TEK: variants seen among roughly 807,000 people sequenced by gnomAD.
The protein encoded by TEK is angiopoietin-1 receptor.
In TEK, 43 loss-of-function variants were observed where a neutral mutation model predicts 131.8. The observed-to-expected ratio is 0.33, with a 90% CI of 0.26 to 0.42. The LOEUF (loss-of-function observed/expected upper bound fraction) is 0.42, where lower values mean the gene tolerates loss of function less well. TEK is among the 10% of genes least tolerant of loss of function. TEK has a pLI of 1.00. For missense variants in TEK, 1,162 were observed against 1,384.4 expected (o/e 0.84, Z 2.55); for synonymous variants, 580 against 491.6 (o/e 1.18, Z -2.38).
At chr9:27,211,411 T>C (rs2131224682) in intron 16 of TEK, among the ~76,000 whole-genome samples, 1 of 149,692 alleles carries the variant, frequency 6.7e-6, no homozygotes, top group East Asian at 2.0e-4. Context: ...AGAATTTCAA[T>C]TTCTTAGAAG....
chr9:27,145,791 A>G (rs1234585911), intron 1 of TEK, among the ~76,000 whole-genome samples: 1 of 152,252 alleles, frequency 6.6e-6, no homozygotes, highest in African/African-American at 2.4e-5. Flanking sequence ...GAAGACAGAA[A>G]GCTCATTGTC....
At position 27,229,239 on chromosome 9, in the gene TEK, A is replaced by T; in HGVS notation, c.*7A>T. 2 of 1,613,492 alleles carry T rather than the reference A, an allele frequency of 1.2e-6. No homozygotes were observed. Among genetic ancestry groups the T allele is most frequent in the Non-Finnish European group, 1.7e-6 (2 of 1,179,458 alleles). On this transcript the variant is annotated 3_prime_UTR_variant, in exon 23 of 23. Transcript: ENST00000380036. The stretch of plus-strand genomic sequence containing the variant: ...TGCTGAAGAAGCGGCCTAGGACAGA[A>T]CATCTGTATACCCTCTGTTTCCCTT...
intron 1 of TEK, among the ~76,000 whole-genome samples, chr9:27,127,610 G>A (rs910736347): frequency 5.9e-5 from 9 of 152,142 alleles, no homozygotes; most frequent in African/African-American, 2.2e-4. Flanking sequence ...GTGTAAAAAC[G>A]TTCCTATTTC....
At chr9:27,196,743 G>C (rs1035998574) in intron 11 of TEK, among the ~76,000 whole-genome samples, 4 of 150,648 alleles carry the variant, frequency 2.7e-5, no homozygotes, top group Non-Finnish European at 5.9e-5. Context: ...AGAAGAGTGA[G>C]GGGGGGCGGT....
At chr9:27,154,014 A>G (rs576564331) in intron 1 of TEK, among the ~76,000 whole-genome samples, 1 of 152,304 alleles carries the variant, frequency 6.6e-6, no homozygotes, top group Admixed American at 6.5e-5. Context: ...AAGAAGAGAG[A>G]AAGAGAAAAA....
intron 1 of TEK, among the ~76,000 whole-genome samples, chr9:27,155,104 A>G (rs1823281376): frequency 6.6e-6 from 1 of 152,168 alleles, no homozygotes; most frequent in Non-Finnish European, 1.5e-5. Flanking sequence ...TGAAAGAATT[A>G]CAGTGTTTCC....
At chr9:27,219,899 CAGTG>C (rs751688262) in intron 20 of TEK, 146 bp from the exon 21 acceptor site, 12 of 772,556 alleles carry the variant, frequency 1.6e-5, no homozygotes, top group South Asian at 1.1e-4. Flanking sequence ...CTTTGATGTG[CAGTG>C]AGTTTGCCAA....
At chr9:27,221,791 A>C (rs1427667859) in intron 21 of TEK, among the ~76,000 whole-genome samples, 1 of 152,230 alleles carries the variant, frequency 6.6e-6, no homozygotes, top group African/African-American at 2.4e-5. Context: ...GAGAGAAACC[A>C]GTGCAAAACC....
chr9:27,218,669 T>TAACA (rs1449956720), intron 19 of TEK, 108 bp from the exon 20 acceptor site: 18 of 1,143,920 alleles, frequency 1.6e-5, no homozygotes, highest in African/African-American at 3.0e-5. Context: ...TGTAGACATT[T>TAACA]AACATCTCCT....
chr9:27,190,414 G>C, intron 9 of TEK, 115 bp from the exon 10 acceptor site: 1 of 1,325,978 alleles, frequency 7.5e-7, no homozygotes, highest in Non-Finnish European at 1.1e-6. Flanking sequence ...AGTCTGAGCA[G>C]AAAACTTTAA....
intron 1 of TEK, among the ~76,000 whole-genome samples, chr9:27,128,804 T>C (rs1214829314): frequency 1.3e-5 from 2 of 152,228 alleles, no homozygotes; most frequent in Non-Finnish European, 1.5e-5. Context: ...ATAGGAATGC[T>C]TGTGATTTTT....
chr9:27,116,015 G>T (rs1564033024), intron 1 of TEK, among the ~76,000 whole-genome samples: 1 of 152,212 alleles, frequency 6.6e-6, no homozygotes, highest in Non-Finnish European at 1.5e-5. Context: ...GGATTAACAT[G>T]GTAGAGACCA....
rs546294679 is a variant in TEK, at chr9:27,184,387, C to T, written c.1182+777C>T. ...TTAGGATATTGATGTATTTTTTAAT[C>T]TAAAAATTTAGAAATACTTATTATC... On this transcript the variant is annotated intron_variant, in intron 8 of 22. Transcript: ENST00000380036. Among the ~76,000 whole-genome samples, 345 of 152,204 alleles carry T rather than the reference C, an allele frequency of 2.3e-3. 1 individual carries two copies. Among genetic ancestry groups the T allele is most frequent in the Non-Finnish European group, 3.9e-3 (263 of 68,014 alleles).
At chr9:27,157,666 A>G (rs1823384508) in intron 1 of TEK, among the ~76,000 whole-genome samples, 165 bp from the exon 2 acceptor site, 1 of 152,146 alleles carries the variant, frequency 6.6e-6, no homozygotes. Context: ...ATGCCTTGGT[A>G]AAGAGTTTTG....
intron 1 of TEK, among the ~76,000 whole-genome samples, chr9:27,116,572 C>A (rs879608188): frequency 5.9e-5 from 9 of 151,754 alleles, no homozygotes; most frequent in Admixed American, 4.6e-4. Context: ...CGTGAGCCAC[C>A]GCACCTGGCC....
intron 1 of TEK, among the ~76,000 whole-genome samples, chr9:27,137,853 T>C (rs1822544025): frequency 6.6e-6 from 1 of 152,186 alleles, no homozygotes; most frequent in Admixed American, 6.5e-5. Context: ...GTGTCCGGAA[T>C]TTATTCATTC....
intron 13 of TEK, among the ~76,000 whole-genome samples, chr9:27,204,308 T>C (rs1291865477): frequency 6.6e-6 from 1 of 152,188 alleles, no homozygotes; most frequent in East Asian, 1.9e-4. Flanking sequence ...GGAAAAGAAA[T>C]AGATTTGACC....
chr9:27,216,919 A>ATGAG (rs1220026935), intron 18 of TEK, among the ~76,000 whole-genome samples: 1 of 152,170 alleles, frequency 6.6e-6, no homozygotes, highest in African/African-American at 2.4e-5. Context: ...TGATTCTTGA[A>ATGAG]TGAGTAGATA....
intron 1 of TEK, among the ~76,000 whole-genome samples, chr9:27,146,887 G>C (rs997057043): frequency 6.6e-6 from 1 of 151,798 alleles, no homozygotes; most frequent in Admixed American, 6.6e-5. Context: ...CCACCACCAC[G>C]CCCGGCTAAT....
Sources: gnomAD v4.1 joint callset for allele counts (sites outside exome capture counted in the v4.1 genomes callset) on GRCh38, gnomAD v4.1.1 for gene constraint, MANE v1.5 for transcripts, NCBI Gene and HGNC (gene_info 2026-07-23, HGNC 2026-07-21) for gene names.